RARB: variants seen among roughly 807,000 people sequenced by gnomAD.
RARB encodes HBV-activated protein.
In RARB, 17 loss-of-function variants were observed where a neutral mutation model predicts 51.9. The ratio of observed to expected loss-of-function variants is 0.33; its 90% CI spans 0.22 to 0.49. The LOEUF is 0.49. RARB is among the 20% of genes least tolerant of loss of function. The probability of loss-of-function intolerance (pLI) is 0.99; values close to 1 mark genes in which losing one functional copy is unlikely to be tolerated. For synonymous variants in RARB, 215 were observed against 195.4 expected (o/e 1.10, Z -0.84); for missense variants, 369 against 550.8 (o/e 0.67, Z 3.30).
At position 24,886,199 on chromosome 3, in the gene RARB, A is replaced by G. The variant is rs558361410; in HGVS notation, c.-380+27447A>G. On this transcript the variant is annotated intron_variant, in intron 2 of 11. Coordinates refer to the RARB transcript ENST00000383772. ...TCTTTTCTGTGAGGCAAATTTTGAC[A>G]TTGAAATATACCTGGCTTTATAGTT... Among the ~76,000 whole-genome samples the G allele has an allele frequency of 3.3e-5, 5 of 152,278 alleles. No homozygotes were observed. In the South Asian group the frequency reaches 1.0e-3, roughly 32 times the overall value.
chr3:25,360,821 C>T (rs888719255), intron 5 of RARB, among the ~76,000 whole-genome samples: 1 of 152,154 alleles, frequency 6.6e-6, no homozygotes, highest in Non-Finnish European at 1.5e-5. Flanking sequence ...TCTCTTCTGG[C>T]TTGTAGGGTT....
chr3:24,998,198 T>C (rs973651318), intron 2 of RARB, among the ~76,000 whole-genome samples: 2 of 152,096 alleles, frequency 1.3e-5, no homozygotes, highest in Non-Finnish European at 1.5e-5. Context: ...TTATTGTAGT[T>C]CTTGGGCTAA....
At chr3:25,016,241 A>G (rs779491376) in intron 2 of RARB, among the ~76,000 whole-genome samples, 1 of 152,202 alleles carries the variant, frequency 6.6e-6, no homozygotes, top group Middle Eastern at 3.2e-3. Context: ...TGATTGTGGG[A>G]TTAAGATACT....
chr3:24,921,048 G>A (rs1294127862), intron 2 of RARB, among the ~76,000 whole-genome samples: 1 of 152,062 alleles, frequency 6.6e-6, no homozygotes, highest in Non-Finnish European at 1.5e-5. Flanking sequence ...AACCCAAGCA[G>A]GTAAAAGCAG....
intron 4 of RARB, among the ~76,000 whole-genome samples, chr3:25,164,710 C>G (rs951643595): frequency 1.5e-4 from 23 of 152,084 alleles, no homozygotes; most frequent in Admixed American, 1.4e-3. Flanking sequence ...GTGAATTTTT[C>G]TTTTATAAAA....
intron 1 of RARB, among the ~76,000 whole-genome samples, chr3:25,452,261 A>G (rs1284456256): frequency 1.3e-5 from 2 of 152,268 alleles, no homozygotes; most frequent in African/African-American, 4.8e-5. Context: ...GATATTTTTG[A>G]ATATATTCCT....
At chr3:25,219,342 C>T (rs1701897621) in intron 5 of RARB, among the ~76,000 whole-genome samples, 1 of 151,996 alleles carries the variant, frequency 6.6e-6, no homozygotes, top group Non-Finnish European at 1.5e-5. Flanking sequence ...TTCTCATTTT[C>T]TGGCTGTTCC....
At chr3:25,126,831 C>A (rs1391402088) in intron 3 of RARB, among the ~76,000 whole-genome samples, 1 of 152,134 alleles carries the variant, frequency 6.6e-6, no homozygotes, top group African/African-American at 2.4e-5. Context: ...AATTACTCAG[C>A]ATGTGTTTTC....
At chr3:25,299,533 A>G (rs966159642) in intron 5 of RARB, among the ~76,000 whole-genome samples, 1 of 152,162 alleles carries the variant, frequency 6.6e-6, no homozygotes, top group South Asian at 2.1e-4. Flanking sequence ...GAAATTATGA[A>G]TGGAAGTAAC....
intron 3 of RARB, among the ~76,000 whole-genome samples, chr3:25,103,140 C>T (rs907264168): frequency 1.3e-5 from 2 of 152,064 alleles, no homozygotes; most frequent in African/African-American, 2.4e-5. Context: ...AAAGGAGTTG[C>T]CAGGATCATG....
At chr3:25,496,014 T>A (rs1351434704) in intron 2 of RARB, among the ~76,000 whole-genome samples, 1 of 152,178 alleles carries the variant, frequency 6.6e-6, no homozygotes, top group Non-Finnish European at 1.5e-5. Context: ...GATCAGTGTG[T>A]CTGCTACTAA....
rs540623026 is a variant in RARB, at chr3:25,421,596, G to A, written c.179-39597G>A. Among the ~76,000 whole-genome samples, 4 of 151,554 alleles carry A rather than the reference G, an allele frequency of 2.6e-5. No individual in the cohort carries two copies. In the East Asian group the frequency reaches 5.8e-4, roughly 22 times the overall value. ...CCGGCTAATTTTTTTTGTATTTTTA[G>A]TAGAGACTGGGTTTCACTGTGATGG... On this transcript the variant is annotated intron_variant, in intron 5 of 11. Coordinates refer to the RARB transcript ENST00000383772.
intron 3 of RARB, among the ~76,000 whole-genome samples, chr3:25,511,043 A>C (rs1462094722): frequency 1.3e-5 from 2 of 152,230 alleles, no homozygotes; most frequent in African/African-American, 4.8e-5. Flanking sequence ...GCAGCTTCAG[A>C]GCTTCACAAT....
intron 2 of RARB, among the ~76,000 whole-genome samples, chr3:25,021,597 A>G (rs1227186960): frequency 6.6e-6 from 1 of 152,186 alleles, no homozygotes; most frequent in African/African-American, 2.4e-5. Flanking sequence ...CAACCAGGAT[A>G]GGAAAAATAA....
In RARB at chr3:25,235,908, T is replaced by A. The variant is rs1236955018; in HGVS notation, c.178+61333T>A. On this transcript the variant is annotated intron_variant, in intron 5 of 11. Transcript: ENST00000383772. Reference sequence around the variant, plus strand: ...ACTACTTATTTGAATACTAGAGATGTTAATCAACCCTGTTTTCTTATATTT... The same window carrying A: ...ACTACTTATTTGAATACTAGAGATGATAATCAACCCTGTTTTCTTATATTT... 2.0e-5 allele frequency among the ~76,000 whole-genome samples: 3 copies of A among 152,180 alleles called. No homozygotes were observed. In the East Asian group the frequency reaches 5.8e-4, roughly 29 times the overall value.
At chr3:24,868,478 CAAAAAA>C (rs974485930) in intron 2 of RARB, among the ~76,000 whole-genome samples, 1 of 151,006 alleles carries the variant, frequency 6.6e-6, no homozygotes, top group Admixed American at 6.6e-5. Context: ...AAACAAACAA[CAAAAAA>C]AAATGTTAAG....
intron 5 of RARB, among the ~76,000 whole-genome samples, chr3:25,333,650 T>G (rs1156487582): frequency 1.3e-5 from 2 of 152,156 alleles, no homozygotes; most frequent in East Asian, 1.9e-4. Flanking sequence ...CCAAAAGCAA[T>G]GGCAACAAAA....
Position 25,124,745 on chromosome 3 carries a change from A to G in RARB, c.-327-7416A>G, listed in dbSNP as rs572960166. ...ATTGAGGTATTTGCTTTCTTTTCCCATTTGATTTATGGTCCTTATTTGTAG... is the reference window on the plus strand; with the variant it reads ...ATTGAGGTATTTGCTTTCTTTTCCCGTTTGATTTATGGTCCTTATTTGTAG... On this transcript the variant is annotated intron_variant, in intron 3 of 11. Transcript: ENST00000383772. Among the ~76,000 whole-genome samples the G allele has an allele frequency of 4.6e-5, 7 of 152,174 alleles. No homozygotes were observed. The East Asian group carries it at 9.7e-4, about 21-fold the overall frequency.
intron 2 of RARB, among the ~76,000 whole-genome samples, chr3:24,959,092 CG>C (rs1170836420): frequency 6.6e-6 from 1 of 152,198 alleles, no homozygotes. Flanking sequence ...CGTTACAGTG[CG>C]CTCTTTTAGC....
Sources: gnomAD v4.1 joint callset for allele counts (sites outside exome capture counted in the v4.1 genomes callset) on GRCh38, gnomAD v4.1.1 for gene constraint, MANE v1.5 for transcripts, NCBI Gene and HGNC (gene_info 2026-07-23, HGNC 2026-07-21) for gene names.